DNAH5: variants seen among roughly 807,000 people sequenced by gnomAD.
The protein encoded by DNAH5 is dynein axonemal heavy chain 5, also known as axonemal beta dynein heavy chain 5.
DNAH5 carries 372 observed loss-of-function variants against 518.2 expected under a neutral mutation model. That is an observed-to-expected ratio of 0.72 (90% CI 0.66 to 0.78). DNAH5 has a LOEUF of 0.78. Ranked by LOEUF, DNAH5 falls within the 30% of genes least tolerant of loss-of-function variation. The pLI, the probability that DNAH5 is intolerant of heterozygous loss-of-function variation, is 0.00. For synonymous variants in DNAH5, 2,039 were observed against 2,025.9 expected (o/e 1.01, Z -0.17); for missense variants, 5,523 against 5,687.0 (o/e 0.97, Z 0.93).
chr5:13,820,427 C>T lies in DNAH5; in HGVS notation c.6760G>A (p.Val2254Met). 2 of 1,614,036 alleles carry T rather than the reference C, an allele frequency of 1.2e-6. No homozygotes were observed. Among genetic ancestry groups the T allele is most frequent in the Non-Finnish European group, 8.5e-7 (1 of 1,180,034 alleles). Residue 2254 changes from valine to methionine, a missense_variant, in exon 41 of 79, where the codon GTG becomes ATG. Transcript: ENST00000265104. ...KVIQLFETQR[V>M]RHGMMTLGPS... ...CCCAGAGTCATCATCCCATGTCGCA[C>T]TCTCTGCGTTTCGAATAGCTGGATG...
At chr5:13,696,317 G>A (rs141858362) in intron 78 of DNAH5, among the ~76,000 whole-genome samples, 1 of 152,160 alleles carries the variant, frequency 6.6e-6, no homozygotes, top group Non-Finnish European at 1.5e-5. Context: ...TCTTCTATCT[G>A]TCCTTTTCAG....
Position 13,726,000 on chromosome 5 carries a change from C to T in DNAH5, c.12033+1507G>A, listed in dbSNP as rs10045809. On this transcript the variant is annotated intron_variant, in intron 70 of 78. Coordinates refer to ENST00000265104, the MANE Select transcript of DNAH5 (RefSeq NM_001369.3). ...ATGTGTACCTCTCAGGAGACACACT[C>T]GGACAGTGCAGCATTTTTGCAATCA... is the stretch of plus-strand genomic sequence containing the variant. Among the ~76,000 whole-genome samples the T allele has an allele frequency of 8.7e-3, 1,330 of 152,280 alleles. 19 individuals carry two copies. The highest frequency in any genetic ancestry group is 0.031 in the African/African-American group (1,273 of 41,556).
intron 61 of DNAH5, 102 bp downstream of exon 61, chr5:13,758,744 G>C: frequency 6.6e-7 from 1 of 1,517,310 alleles, no homozygotes; most frequent in Non-Finnish European, 9.1e-7. Flanking sequence ...TGCTATGTAT[G>C]TATTATGTAT....
chr5:13,872,382 T>A (rs147516871), intron 22 of DNAH5, among the ~76,000 whole-genome samples: 3 of 152,286 alleles, frequency 2.0e-5, no homozygotes, highest in Non-Finnish European at 4.4e-5. Context: ...CAATACTACA[T>A]CTAACCAACC....
intron 1 of DNAH5, among the ~76,000 whole-genome samples, chr5:13,971,491 T>C (rs538977373): frequency 1.3e-5 from 2 of 152,292 alleles, no homozygotes; most frequent in Admixed American, 6.5e-5. Context: ...GTTCTCCCCC[T>C]TCCCCTAGGG....
At chr5:13,777,113 T>C in intron 54 of DNAH5, 89 bp downstream of exon 54, 1 of 1,287,974 alleles carries the variant, frequency 7.8e-7, no homozygotes, top group Non-Finnish European at 1.1e-6. Flanking sequence ...TAGCACTTAT[T>C]CACACCACTA....
intron 1 of DNAH5, among the ~76,000 whole-genome samples, chr5:13,956,806 T>C (rs1267960815): frequency 6.6e-6 from 1 of 152,258 alleles, no homozygotes; most frequent in Non-Finnish European, 1.5e-5. Context: ...AATTGCACAC[T>C]GAAATTTCAT....
In DNAH5 at chr5:13,885,048, C is replaced by T. The variant is rs763807321; in HGVS notation, c.2924G>A (p.Arg975Lys). Reference sequence around the variant, plus strand: ...TTTGCGAATGGCCTCTAGTGTATTCCTTGTAACTTTCAGAAGAGCATCCAT... The same window carrying T: ...TTTGCGAATGGCCTCTAGTGTATTCTTTGTAACTTTCAGAAGAGCATCCAT... ...QNMDALLKVT[R>K]NTLEAIRKRI... The change falls in exon 19 of 79, where the codon AGG becomes AAG. Residue 975 changes from arginine to lysine, a missense_variant. Physicochemically the swap from Arg to Lys is conservative, Grantham distance 26 (BLOSUM62 2). Coordinates refer to ENST00000265104, the MANE Select transcript of DNAH5 (RefSeq NM_001369.3). 22 of 1,614,046 alleles carry T rather than the reference C, an allele frequency of 1.4e-5. No individual in the cohort carries two copies. The highest frequency in any genetic ancestry group is 2.7e-5 in the African/African-American group (2 of 74,920).
At chr5:13,909,163 C>T (rs1775692153) in intron 12 of DNAH5, among the ~76,000 whole-genome samples, 1 of 152,098 alleles carries the variant, frequency 6.6e-6, no homozygotes, top group African/African-American at 2.4e-5. Flanking sequence ...TACAGTAGTC[C>T]CCTCTTATCC....
chr5:13,937,491 C>T (rs1252460434), intron 1 of DNAH5, among the ~76,000 whole-genome samples: 3 of 151,378 alleles, frequency 2.0e-5, no homozygotes, highest in Admixed American at 1.3e-4. Context: ...GAAAGTGTCT[C>T]GGAGGTTAGT....
intron 1 of DNAH5, among the ~76,000 whole-genome samples, chr5:13,990,775 G>A (rs1339544361): frequency 6.6e-6 from 1 of 150,802 alleles, no homozygotes; most frequent in African/African-American, 2.4e-5. Flanking sequence ...GCTGAGGCAA[G>A]AGAATCACTT....
intron 33 of DNAH5, 63 bp from the exon 34 acceptor site, chr5:13,841,193 A>G: frequency 7.7e-7 from 1 of 1,302,624 alleles, no homozygotes; most frequent in Non-Finnish European, 1.1e-6. Flanking sequence ...AAATAGAAAT[A>G]CAATGTGATC....
chr5:13,829,355 A>G (rs1219918152), intron 38 of DNAH5, among the ~76,000 whole-genome samples, 155 bp downstream of exon 38: 2 of 152,198 alleles, frequency 1.3e-5, no homozygotes, highest in Non-Finnish European at 2.9e-5. Flanking sequence ...AAAACTATGC[A>G]TATAAAATTA....
intron 65 of DNAH5, among the ~76,000 whole-genome samples, chr5:13,748,856 T>C (rs1020997311): frequency 1.3e-5 from 2 of 152,232 alleles, no homozygotes; most frequent in East Asian, 1.9e-4. Flanking sequence ...CTTTTCCTAA[T>C]TGAATACCCT....
intron 65 of DNAH5, among the ~76,000 whole-genome samples, chr5:13,749,460 C>A (rs1297910037): frequency 6.6e-6 from 1 of 152,148 alleles, no homozygotes; most frequent in African/African-American, 2.4e-5. Flanking sequence ...TAACAAGCTC[C>A]TTATTTCATC....
At chr5:13,769,761 G>A (rs535015050) in intron 56 of DNAH5, 146 bp from the exon 57 acceptor site, 2 of 725,856 alleles carry the variant, frequency 2.8e-6, no homozygotes, top group East Asian at 2.7e-5. Context: ...TTAGCAAAAA[G>A]GATACAGATC....
chr5:13,733,758 T>C (rs376446534), intron 68 of DNAH5, among the ~76,000 whole-genome samples: 2 of 152,160 alleles, frequency 1.3e-5, no homozygotes, highest in Non-Finnish European at 2.9e-5. Flanking sequence ...CATTTGCATA[T>C]GTATGACTAT....
rs1321866691 is a variant in DNAH5 at position 13,923,877 on chromosome 5, C to G, written c.278-437G>C. Among the ~76,000 whole-genome samples the G allele has an allele frequency of 2.0e-5, 3 of 151,946 alleles. No homozygotes were observed. The East Asian group carries it at 5.8e-4, about 29-fold the overall frequency. On this transcript the variant is annotated intron_variant, in intron 3 of 78. Transcript: ENST00000265104. ...TGGTCAACGTGATGAAACCCTGTCT[C>G]TACTAAAAAAAAACAAAAATTAGCT...
Position 13,922,282 on chromosome 5 carries a change from T to C in DNAH5, c.485A>G (p.Asn162Ser). The stretch of plus-strand genomic sequence containing the variant: ...GTCCGACAGCAAACGTCTCACACTG[T>C]TGAGCAGGCCTCCATCTGCCGCATC... ...MLDAADGGLL[N>S]SVRRLLSDIF... Residue 162 changes from asparagine to serine, a missense_variant, in exon 5 of 79, where the codon AAC (asparagine) becomes AGC (serine). Asn to Ser is a conservative substitution (Grantham distance 46). Coordinates refer to ENST00000265104, the MANE Select transcript of DNAH5 (RefSeq NM_001369.3). The C allele has an allele frequency of 6.2e-7, 1 of 1,613,606 alleles. No individual in the cohort carries two copies. The highest frequency in any genetic ancestry group is 8.5e-7 in the Non-Finnish European group (1 of 1,179,796).
Sources: allele counts gnomAD v4.1 joint callset (sites outside exome capture counted in the v4.1 genomes callset), GRCh38; gene constraint gnomAD v4.1.1; transcripts MANE v1.5; gene names NCBI Gene and HGNC (gene_info 2026-07-23, HGNC 2026-07-21).